The following FBN2 variants were observed in gnomAD, a reference collection of about 807,000 sequenced individuals.
FBN2 encodes the protein fibrillin 2.
A neutral mutation model predicts 355.6 loss-of-function variants in FBN2; 105 were observed. That is an observed-to-expected ratio of 0.30 (90% CI 0.25 to 0.35). FBN2 has a LOEUF of 0.35. Ranked by LOEUF, FBN2 falls within the 10% of genes least tolerant of loss-of-function variation. FBN2 has a pLI of 1.00. For synonymous variants in FBN2, 1,350 were observed against 1,301.2 expected (o/e 1.04, Z -0.81); for missense variants, 3,280 against 3,758.7 (o/e 0.87, Z 3.33).
chr5:128,375,155 T>G (rs984821089), intron 14 of FBN2, among the ~76,000 whole-genome samples: 15 of 152,302 alleles, frequency 9.8e-5, no homozygotes, highest in African/African-American at 3.4e-4. Flanking sequence ...CAAAATAACT[T>G]GAGGTATGTC....
At chr5:128,288,897 C>T (rs1749236972) in intron 52 of FBN2, among the ~76,000 whole-genome samples, 1 of 152,178 alleles carries the variant, frequency 6.6e-6, no homozygotes, top group South Asian at 2.1e-4. Context: ...GTCTCTAGGA[C>T]ACATAAGATT....
At chr5:128,427,923 C>G (rs1032390438) in intron 7 of FBN2, among the ~76,000 whole-genome samples, 1 of 152,190 alleles carries the variant, frequency 6.6e-6, no homozygotes, top group Non-Finnish European at 1.5e-5. Context: ...GTAAACATTC[C>G]TGATAACTTT....
chr5:128,483,338 A>T (rs1033054962), intron 5 of FBN2, among the ~76,000 whole-genome samples: 23 of 152,180 alleles, frequency 1.5e-4, no homozygotes, highest in African/African-American at 5.5e-4. Flanking sequence ...AATAAATAAC[A>T]GCTCAATAAA....
At chr5:128,472,165 A>T (rs1270540270) in intron 5 of FBN2, among the ~76,000 whole-genome samples, 2 of 152,200 alleles carry the variant, frequency 1.3e-5, no homozygotes, top group Non-Finnish European at 2.9e-5. Flanking sequence ...CATACCAAAA[A>T]CTATTATTCA....
In FBN2 at chr5:128,457,935, A is replaced by T. The variant is rs1186750195; in HGVS notation, c.826+6789T>A. On this transcript the variant is annotated intron_variant, in intron 6 of 64. Coordinates refer to ENST00000262464, the MANE Select transcript of FBN2 (RefSeq NM_001999.4). ...TGCAAAATAACCAAATAGCATTATG[A>T]TAACCGGATCAAATTCACATGTGAC... Among the ~76,000 whole-genome samples the T allele has an allele frequency of 5.3e-5, 8 of 152,182 alleles. No homozygotes were observed. In the East Asian group the frequency reaches 1.5e-3, roughly 29 times the overall value.
intron 48 of FBN2, among the ~76,000 whole-genome samples, chr5:128,294,717 C>G (rs540628464): frequency 6.6e-6 from 1 of 150,614 alleles, no homozygotes; most frequent in African/African-American, 2.4e-5. Flanking sequence ...TGTTTGAGTT[C>G]ATTGTAGATT....
intron 55 of FBN2, 117 bp downstream of exon 55, chr5:128,286,601 G>T: frequency 8.1e-7 from 1 of 1,227,634 alleles, no homozygotes; most frequent in Non-Finnish European, 1.2e-6. Context: ...CTGTATCACT[G>T]CCTTAACACA....
intron 58 of FBN2, among the ~76,000 whole-genome samples, chr5:128,277,588 G>C (rs548145310): frequency 2.0e-5 from 3 of 152,110 alleles, no homozygotes; most frequent in Admixed American, 6.5e-5. Context: ...TGTTTCTCAG[G>C]TTTACAACCT....
At position 128,300,955 on chromosome 5, in the gene FBN2, G is replaced by T. The variant is rs750519126; in HGVS notation, c.6047-19C>A. On this transcript the variant is annotated intron_variant, in intron 47 of 64. Transcript: ENST00000262464. ...TTAGTGTCTTTAGAGAAAAAGAAGA[G>T]AAAAAATAATTTAAGCATGAGATAA... 1.9e-6 allele frequency: 3 copies of T among 1,610,810 alleles called. No individual in the cohort carries two copies. The highest frequency in any genetic ancestry group is 2.2e-5 in the East Asian group (1 of 44,870).
At chr5:128,432,109 T>C (rs1277744966) in intron 7 of FBN2, among the ~76,000 whole-genome samples, 3 of 152,178 alleles carry the variant, frequency 2.0e-5, no homozygotes, top group Admixed American at 1.3e-4. Context: ...CCCTGAATCA[T>C]TTAAATTACA....
chr5:128,481,664 T>C (rs1755192379), intron 5 of FBN2, among the ~76,000 whole-genome samples: 1 of 152,238 alleles, frequency 6.6e-6, no homozygotes, highest in African/African-American at 2.4e-5. Context: ...TATGTGTCTC[T>C]GTTTAAACAG....
At chr5:128,432,848 G>A (rs1320838676) in intron 7 of FBN2, among the ~76,000 whole-genome samples, 1 of 152,090 alleles carries the variant, frequency 6.6e-6, no homozygotes, top group Non-Finnish European at 1.5e-5. Flanking sequence ...TAATTTACTT[G>A]TAGTTCTGTA....
chr5:128,505,918 A>T (rs528476692), intron 5 of FBN2, among the ~76,000 whole-genome samples: 7 of 152,310 alleles, frequency 4.6e-5, no homozygotes, highest in African/African-American at 1.7e-4. Context: ...CACTATTACA[A>T]ATAAGGCTGC....
chr5:128,321,948 G>A (rs1368372694), intron 34 of FBN2, among the ~76,000 whole-genome samples: 2 of 152,106 alleles, frequency 1.3e-5, no homozygotes, highest in Non-Finnish European at 2.9e-5. Flanking sequence ...ATGCTCTCCA[G>A]CATCTGTTGT....
intron 5 of FBN2, among the ~76,000 whole-genome samples, chr5:128,496,258 T>C (rs966160213): frequency 6.6e-6 from 1 of 152,000 alleles, no homozygotes. Context: ...CAATATTCTA[T>C]GTAAATATAA....
intron 23 of FBN2, 105 bp downstream of exon 23, chr5:128,349,242 A>G (rs1187710880): frequency 7.4e-7 from 1 of 1,343,296 alleles, no homozygotes; most frequent in Non-Finnish European, 1.1e-6. Flanking sequence ...ATTTAAAGCA[A>G]GTTTTCTCAA....
At chr5:128,435,200 G>A (rs1261427782) in intron 7 of FBN2, among the ~76,000 whole-genome samples, 1 of 152,072 alleles carries the variant, frequency 6.6e-6, no homozygotes, top group Non-Finnish European at 1.5e-5. Context: ...TGGAACTGGA[G>A]CAGGGGAATA....
intron 11 of FBN2, among the ~76,000 whole-genome samples, chr5:128,382,982 T>C (rs570010748): frequency 6.6e-6 from 1 of 152,118 alleles, no homozygotes; most frequent in Admixed American, 6.6e-5. Context: ...ATGGACAAAG[T>C]ATAAGAAATC....
In FBN2 at chr5:128,381,794, G is replaced by C. The variant is rs143324104; in HGVS notation, c.1604-2904C>G. On this transcript the variant is annotated intron_variant, in intron 11 of 64. Coordinates refer to ENST00000262464, the MANE Select transcript of FBN2 (RefSeq NM_001999.4). ...TAGGTAGGCTGCATATGGTTATATA[G>C]TGTACAACCCTAGGGCATACCACTT... 2.1e-3 allele frequency among the ~76,000 whole-genome samples: 314 copies of C among 152,146 alleles called. 1 individual carries two copies. Among genetic ancestry groups the C allele is most frequent in the African/African-American group, 7.4e-3 (306 of 41,522 alleles).
Sources: allele counts gnomAD v4.1 joint callset (sites outside exome capture counted in the v4.1 genomes callset), GRCh38; gene constraint gnomAD v4.1.1; transcripts MANE v1.5; gene names NCBI Gene and HGNC (gene_info 2026-07-23, HGNC 2026-07-21).